Variants in IL1RAPL2 observed in about 807,000 individuals in gnomAD.
IL1RAPL2 encodes interleukin 1 receptor accessory protein like 2, also known as X-linked interleukin-1 receptor accessory protein-like 2.
IL1RAPL2 carries 3 observed loss-of-function variants against 44.1 expected under a neutral mutation model. The observed-to-expected ratio is 0.07, with a 90% CI of 0.03 to 0.18. The LOEUF (loss-of-function observed/expected upper bound fraction) is 0.18. IL1RAPL2 is among the 10% of genes least tolerant of loss of function. IL1RAPL2 has a pLI of 1.00. For synonymous variants in IL1RAPL2, 181 were observed against 178.8 expected, an observed-to-expected ratio of 1.01 and a Z score of -0.10; for missense variants, 391 against 496.4, an observed-to-expected ratio of 0.79 and a Z score of 2.02.
intron 2 of IL1RAPL2, among the ~76,000 whole-genome samples, chrX:104,911,807 C>G (rs1247547211): frequency 8.9e-6 from 1 of 112,037 alleles, no homozygotes; most frequent in African/African-American, 3.2e-5. Flanking sequence ...ACATACTGAT[C>G]TTCTTCCTGT....
chrX:104,849,333 A>T (rs1413140641), intron 2 of IL1RAPL2, among the ~76,000 whole-genome samples: 1 of 64,033 alleles, frequency 1.6e-5, no homozygotes, highest in Non-Finnish European at 3.4e-5. Context: ...TACAGGTGTG[A>T]GCCACCATGC....
At chrX:104,635,409 G>T (rs1308055718) in intron 1 of IL1RAPL2, among the ~76,000 whole-genome samples, 17 of 111,417 alleles carry the variant, frequency 1.5e-4, no homozygotes, top group Non-Finnish European at 3.0e-4. Context: ...GATTGGGGAA[G>T]TTCTCCTGGA....
intron 2 of IL1RAPL2, among the ~76,000 whole-genome samples, chrX:104,986,326 A>T (rs996671046): frequency 1.8e-5 from 2 of 112,086 alleles, no homozygotes; most frequent in Admixed American, 9.5e-5. Context: ...AATGAGATAA[A>T]CCATGTTAAT....
intron 2 of IL1RAPL2, among the ~76,000 whole-genome samples, chrX:104,674,300 T>C (rs1216552231): frequency 1.8e-5 from 2 of 111,934 alleles, no homozygotes; most frequent in Non-Finnish European, 3.8e-5. Context: ...TGAGAGTTTT[T>C]AGCATGAAGG....
chrX:104,592,847 G>A lies in IL1RAPL2; in HGVS notation c.-20+25796G>A, dbSNP rs760212545. Among the ~76,000 whole-genome samples, 4 of 111,858 alleles carry A rather than the reference G, an allele frequency of 3.6e-5. No individual in the cohort carries two copies. The South Asian group carries it at 1.5e-3, about 42-fold the overall frequency. Reference sequence around the variant, plus strand: ...ATATTTTACTAGTGAGAATGCTGGGGAAAAGTAACATTTCATCTTTCATGA... The same window carrying A: ...ATATTTTACTAGTGAGAATGCTGGGAAAAAGTAACATTTCATCTTTCATGA... On this transcript the variant is annotated intron_variant, in intron 1 of 10. Coordinates refer to ENST00000372582, the MANE Select transcript of IL1RAPL2 (RefSeq NM_017416.2).
chrX:105,054,831 C>G (rs754103267), intron 2 of IL1RAPL2, among the ~76,000 whole-genome samples: 3 of 110,786 alleles, frequency 2.7e-5, no homozygotes, highest in South Asian at 7.7e-4. Context: ...GTAGATATGG[C>G]CAAAGAGAAA....
intron 1 of IL1RAPL2, among the ~76,000 whole-genome samples, chrX:104,635,722 G>A: frequency 9.0e-6 from 1 of 111,277 alleles, no homozygotes; most frequent in Non-Finnish European, 1.9e-5. Flanking sequence ...CTCTGCATTG[G>A]TTATTCTAGT....
At chrX:105,665,723 TTTG>T (rs1404377281) in intron 6 of IL1RAPL2, among the ~76,000 whole-genome samples, 2 of 81,397 alleles carry the variant, frequency 2.5e-5, no homozygotes, top group African/African-American at 5.1e-5. Context: ...AGTTTTTATT[TTTG>T]TTTTTTTGTT....
intron 5 of IL1RAPL2, among the ~76,000 whole-genome samples, chrX:105,464,438 G>T (rs1485616925): frequency 9.0e-6 from 1 of 111,401 alleles, no homozygotes; most frequent in Non-Finnish European, 1.9e-5. Context: ...AACATAGAAT[G>T]AAACCAATTT....
intron 2 of IL1RAPL2, among the ~76,000 whole-genome samples, chrX:104,789,853 C>T (rs1003563359): frequency 3.6e-5 from 4 of 112,461 alleles, no homozygotes; most frequent in African/African-American, 1.3e-4. Flanking sequence ...ATTTGCAAGG[C>T]CATCCCCTTA....
intron 2 of IL1RAPL2, among the ~76,000 whole-genome samples, chrX:105,158,792 T>C (rs1217592160): frequency 8.9e-6 from 1 of 111,799 alleles, no homozygotes. Context: ...TGGGTTCTGG[T>C]CCCATTTCTT....
intron 1 of IL1RAPL2, among the ~76,000 whole-genome samples, chrX:104,612,536 G>T (rs1318223307): frequency 9.0e-6 from 1 of 111,354 alleles, no homozygotes; most frequent in Admixed American, 9.6e-5. Flanking sequence ...ATTGGTTTAT[G>T]GGTCTGTTTT....
intron 3 of IL1RAPL2, chrX:105,219,189 G>T: frequency 1.7e-6 from 2 of 1,210,441 alleles, no homozygotes; most frequent in South Asian, 3.5e-5. Context: ...AGGCCTCCCA[G>T]TCGGAAGGCA....
chrX:105,072,729 T>A (rs1243938182), intron 2 of IL1RAPL2, among the ~76,000 whole-genome samples: 3 of 110,993 alleles, frequency 2.7e-5, no homozygotes, highest in African/African-American at 6.6e-5. Flanking sequence ...CATGGTGCTT[T>A]GCTGCACCCA....
chrX:105,546,124 C>A (rs1328921435), intron 6 of IL1RAPL2, among the ~76,000 whole-genome samples: 1 of 111,168 alleles, frequency 9.0e-6, no homozygotes, highest in Non-Finnish European at 1.9e-5. Context: ...GCCTTCCACA[C>A]CCTAATAAAA....
chrX:104,811,525 T>C (rs1167784079), intron 2 of IL1RAPL2, among the ~76,000 whole-genome samples: 2 of 111,345 alleles, frequency 1.8e-5, no homozygotes, highest in African/African-American at 6.5e-5. Context: ...CTCTTTTTTT[T>C]TCTGTTTTTG....
chrX:105,733,288 G>T (rs753367233), intron 7 of IL1RAPL2, among the ~76,000 whole-genome samples: 2 of 110,948 alleles, frequency 1.8e-5, no homozygotes, highest in Non-Finnish European at 3.8e-5. Context: ...TACCCCTCTG[G>T]CTTCTTTCAA....
At chrX:105,523,689 C>T (rs1602450027) in intron 6 of IL1RAPL2, among the ~76,000 whole-genome samples, 1 of 111,057 alleles carries the variant, frequency 9.0e-6, no homozygotes, top group East Asian at 2.8e-4. Flanking sequence ...TAGGGGTCCA[C>T]CACTGATGCA....
chrX:104,759,198 A>G (rs770792946), intron 2 of IL1RAPL2, among the ~76,000 whole-genome samples: 1 of 112,726 alleles, frequency 8.9e-6, no homozygotes, highest in East Asian at 2.8e-4. Flanking sequence ...GAGATCTTAC[A>G]GAATGAATAC....
Sources: allele counts gnomAD v4.1 joint callset (sites outside exome capture counted in the v4.1 genomes callset), GRCh38; gene constraint gnomAD v4.1.1; transcripts MANE v1.5; gene names NCBI Gene and HGNC (gene_info 2026-07-23, HGNC 2026-07-21).